Variants in BBX observed in about 807,000 individuals in gnomAD.
BBX encodes HMG box transcription factor BBX.
In BBX, 30 loss-of-function variants were observed where a neutral mutation model predicts 100.2. That is an observed-to-expected ratio of 0.30 (90% CI 0.22 to 0.41). The LOEUF is 0.41. Among genes scored for constraint, BBX ranks in the 10% least tolerant of loss-of-function variants. The pLI is 1.00. For synonymous variants in BBX, 376 were observed against 388.1 expected (o/e 0.97, Z 0.37); for missense variants, 1,023 against 1,129.8 (o/e 0.91, Z 1.35).
intron 2 of BBX, among the ~76,000 whole-genome samples, chr3:107,606,935 C>G (rs959007146): frequency 2.6e-5 from 4 of 152,128 alleles, no homozygotes; most frequent in Non-Finnish European, 5.9e-5. Context: ...CACTTCCCCC[C>G]ACTCTCTGGT....
intron 10 of BBX, among the ~76,000 whole-genome samples, chr3:107,762,783 G>C (rs1214011894): frequency 6.6e-6 from 1 of 152,120 alleles, no homozygotes; most frequent in African/African-American, 2.4e-5. Flanking sequence ...ATAATTAAAA[G>C]AGAAATTATA....
chr3:107,583,385 T>C (rs906495681), intron 2 of BBX, among the ~76,000 whole-genome samples: 1 of 152,020 alleles, frequency 6.6e-6, no homozygotes. Flanking sequence ...TGGCACAAGA[T>C]AAAAGATTTT....
At chr3:107,705,127 A>G (rs1366377339) in intron 3 of BBX, among the ~76,000 whole-genome samples, 2 of 152,116 alleles carry the variant, frequency 1.3e-5, no homozygotes, top group East Asian at 1.9e-4. Flanking sequence ...AGTTTCCACT[A>G]TGTTACAGTG....
chr3:107,561,363 A>G (rs2050483735), intron 2 of BBX, among the ~76,000 whole-genome samples: 1 of 152,246 alleles, frequency 6.6e-6, no homozygotes, highest in Non-Finnish European at 1.5e-5. Context: ...TGAAAAATAT[A>G]TAGCAATTCT....
intron 10 of BBX, among the ~76,000 whole-genome samples, chr3:107,763,348 C>T (rs559515232): frequency 6.6e-6 from 1 of 152,130 alleles, no homozygotes; most frequent in East Asian, 1.9e-4. Context: ...CCTCAGCCTC[C>T]CTTACTTTTT....
chr3:107,626,070 AT>A (rs2056149725), intron 2 of BBX, among the ~76,000 whole-genome samples: 1 of 152,190 alleles, frequency 6.6e-6, no homozygotes, highest in African/African-American at 2.4e-5. Context: ...AGACATGATC[AT>A]TGGTAAAATA....
intron 13 of BBX, among the ~76,000 whole-genome samples, chr3:107,780,601 G>A (rs941033958): frequency 7.2e-5 from 11 of 152,036 alleles, no homozygotes; most frequent in African/African-American, 2.7e-4. Context: ...AATTACATAT[G>A]TGGGAAGTCT....
At chr3:107,550,811 G>T (rs534608178) in intron 2 of BBX, among the ~76,000 whole-genome samples, 2 of 152,238 alleles carry the variant, frequency 1.3e-5, no homozygotes, top group East Asian at 3.9e-4. Flanking sequence ...ATCAGAGCTG[G>T]AAGTAATTAC....
chr3:107,640,501 T>C (rs2057123590), intron 2 of BBX, among the ~76,000 whole-genome samples: 1 of 152,158 alleles, frequency 6.6e-6, no homozygotes, highest in Admixed American at 6.5e-5. Context: ...TGTGTAGAGA[T>C]CCCCTGGTAT....
chr3:107,725,705 G>A (rs980597567), intron 5 of BBX, among the ~76,000 whole-genome samples: 12 of 151,890 alleles, frequency 7.9e-5, no homozygotes, highest in African/African-American at 2.7e-4. Context: ...TTCTTGCTAC[G>A]GAAACATGGT....
chr3:107,733,362 G>C (rs2063437281), intron 7 of BBX, among the ~76,000 whole-genome samples: 1 of 152,226 alleles, frequency 6.6e-6, no homozygotes, highest in South Asian at 2.1e-4. Context: ...TCTCTGCTTG[G>C]GTGATGTTCA....
rs1424101889 is a variant in BBX at position 107,806,981 on chromosome 3, A to C, written c.*1524A>C. On this transcript the variant is annotated 3_prime_UTR_variant, in exon 18 of 18. Coordinates refer to ENST00000325805, the MANE Select transcript of BBX (RefSeq NM_001142568.3). ...TTGAATTAGATCTCTAAATGGTGAC[A>C]GTTTACATGGTTTTATCTAGCTTTC... 6.6e-6 allele frequency: 1 copy of C among 152,190 alleles called. No homozygotes were observed. The highest frequency in any genetic ancestry group is 1.5e-5 in the Non-Finnish European group (1 of 68,030). 9.4% of individuals were successfully genotyped at this position (152,190 alleles called of 1,614,324 possible). A position where few individuals can be genotyped will look rare whatever the true frequency, so the allele number is the denominator to read the frequency against.
intron 3 of BBX, among the ~76,000 whole-genome samples, chr3:107,650,468 C>CA (rs1354295641): frequency 1.3e-5 from 2 of 152,006 alleles, no homozygotes; most frequent in East Asian, 3.8e-4. Context: ...ACATGGGGAC[C>CA]ACTGCCTTAA....
At chr3:107,602,976 TG>T in intron 2 of BBX, among the ~76,000 whole-genome samples, 1 of 151,792 alleles carries the variant, frequency 6.6e-6, no homozygotes, top group South Asian at 2.1e-4. Context: ...TGTTTTGTTT[TG>T]TTTTGAGACG....
chr3:107,563,385 C>G (rs2050651841), intron 2 of BBX, among the ~76,000 whole-genome samples: 1 of 152,206 alleles, frequency 6.6e-6, no homozygotes. Context: ...TATCTCTATA[C>G]AAAGCCTGCA....
At chr3:107,561,753 G>A (rs2107476644) in intron 2 of BBX, among the ~76,000 whole-genome samples, 1 of 152,330 alleles carries the variant, frequency 6.6e-6, no homozygotes, top group East Asian at 1.9e-4. Flanking sequence ...GAGAAAAATG[G>A]AGGGTCTCAA....
At chr3:107,765,854 G>C (rs2066348533) in intron 10 of BBX, among the ~76,000 whole-genome samples, 1 of 152,152 alleles carries the variant, frequency 6.6e-6, no homozygotes, top group Admixed American at 6.5e-5. Context: ...ATTCATAGCT[G>C]TTCCCAGGTT....
intron 2 of BBX, among the ~76,000 whole-genome samples, chr3:107,532,135 G>A (rs1212821436): frequency 5.3e-5 from 8 of 151,928 alleles, no homozygotes; most frequent in Non-Finnish European, 1.2e-4. Flanking sequence ...TTGAGGCTGC[G>A]GTGAGCCATG....
chr3:107,789,644 A>T, intron 13 of BBX, 143 bp from the exon 14 acceptor site: 1 of 567,808 alleles, frequency 1.8e-6, no homozygotes, highest in Non-Finnish European at 3.0e-6. Flanking sequence ...CCAGTTAAGT[A>T]GGTGAAGATG....
Sources: gnomAD v4.1 joint callset for allele counts (sites outside exome capture counted in the v4.1 genomes callset) on GRCh38, gnomAD v4.1.1 for gene constraint, MANE v1.5 for transcripts, NCBI Gene and HGNC (gene_info 2026-07-23, HGNC 2026-07-21) for gene names.